Variants in CNTNAP5 observed in about 807,000 individuals in gnomAD.
CNTNAP5 encodes contactin-associated protein-like 5.
CNTNAP5 carries 72 observed loss-of-function variants against 150.2 expected under a neutral mutation model. The ratio of observed to expected loss-of-function variants is 0.48; its 90% CI spans 0.40 to 0.58. The LOEUF is 0.58. Ranked by LOEUF, CNTNAP5 falls within the 20% of genes least tolerant of loss-of-function variation. The pLI is 0.00. For synonymous variants in CNTNAP5, 672 were observed against 619.8 expected, an observed-to-expected ratio of 1.08 and a Z score of -1.25; for missense variants, 1,636 against 1,626.2, an observed-to-expected ratio of 1.01 and a Z score of -0.10.
At chr2:124,689,015 T>C (rs1460176078) in intron 13 of CNTNAP5, among the ~76,000 whole-genome samples, 1 of 152,118 alleles carries the variant, frequency 6.6e-6, no homozygotes, top group African/African-American at 2.4e-5. Flanking sequence ...TATGAAGAAT[T>C]ACTAGTCAGA....
chr2:124,191,975 C>T (rs1225879052), intron 1 of CNTNAP5, among the ~76,000 whole-genome samples: 2 of 151,952 alleles, frequency 1.3e-5, no homozygotes, highest in African/African-American at 4.8e-5. Flanking sequence ...GAGCTGCAGT[C>T]TCGTGTCTCC....
chr2:124,306,921 T>C (rs1409645137), intron 3 of CNTNAP5, among the ~76,000 whole-genome samples: 1 of 151,668 alleles, frequency 6.6e-6, no homozygotes, highest in Non-Finnish European at 1.5e-5. Context: ...AGAGACGGGG[T>C]TTCACCATGT....
intron 11 of CNTNAP5, among the ~76,000 whole-genome samples, chr2:124,574,794 TC>T (rs1696240530): frequency 6.6e-6 from 1 of 152,232 alleles, no homozygotes; most frequent in African/African-American, 2.4e-5. Context: ...TCATTCCGAT[TC>T]ATGCAAATAT....
At chr2:124,070,850 T>C (rs1488229951) in intron 1 of CNTNAP5, among the ~76,000 whole-genome samples, 1 of 151,896 alleles carries the variant, frequency 6.6e-6, no homozygotes, top group African/African-American at 2.4e-5. Flanking sequence ...AGCAAATGGA[T>C]CTAAGAAATA....
At chr2:124,732,826 A>G (rs1680299420) in intron 13 of CNTNAP5, among the ~76,000 whole-genome samples, 1 of 152,200 alleles carries the variant, frequency 6.6e-6, no homozygotes. Flanking sequence ...AGTTCCTTAC[A>G]TAAGAGTTCT....
chr2:124,628,619 A>G (rs992910582), intron 12 of CNTNAP5, among the ~76,000 whole-genome samples: 2 of 152,222 alleles, frequency 1.3e-5, no homozygotes, highest in Non-Finnish European at 2.9e-5. Flanking sequence ...AACACACTGA[A>G]GTACACAGAC....
chr2:124,867,788 T>G (rs533013244), intron 20 of CNTNAP5, among the ~76,000 whole-genome samples: 1 of 152,176 alleles, frequency 6.6e-6, no homozygotes, highest in African/African-American at 2.4e-5. Context: ...TGAATGTGTA[T>G]CTAACACTAA....
chr2:124,822,698 A>G (rs1160788348), intron 19 of CNTNAP5, among the ~76,000 whole-genome samples: 2 of 152,196 alleles, frequency 1.3e-5, no homozygotes. Context: ...CAGATCTGTG[A>G]TGTTTATACA....
intron 19 of CNTNAP5, among the ~76,000 whole-genome samples, chr2:124,858,701 T>C (rs192314289): frequency 1.3e-4 from 20 of 152,186 alleles, no homozygotes; most frequent in African/African-American, 4.8e-4. Context: ...AAGCATACAA[T>C]GGATACACAA....
At chr2:124,695,460 CT>C (rs1679386266) in intron 13 of CNTNAP5, among the ~76,000 whole-genome samples, 1 of 152,160 alleles carries the variant, frequency 6.6e-6, no homozygotes, top group Admixed American at 6.6e-5. Context: ...AGCAGCTCCC[CT>C]GAACTAGTAT....
chr2:124,735,797 A>G (rs1397949085), intron 13 of CNTNAP5, among the ~76,000 whole-genome samples: 2 of 152,172 alleles, frequency 1.3e-5, no homozygotes, highest in Non-Finnish European at 2.9e-5. Flanking sequence ...TATCTGTAAG[A>G]TGAGAATGAG....
chr2:124,728,576 C>A (rs892763988), intron 13 of CNTNAP5, among the ~76,000 whole-genome samples: 3 of 151,816 alleles, frequency 2.0e-5, no homozygotes, highest in African/African-American at 4.8e-5. Flanking sequence ...TGTAAAATAT[C>A]TTTAAATATT....
chr2:124,511,848 T>G (rs1694598591), intron 8 of CNTNAP5, among the ~76,000 whole-genome samples: 4 of 152,002 alleles, frequency 2.6e-5, no homozygotes. Flanking sequence ...ATGAGTTGCT[T>G]GCATGGTCTT....
intron 21 of CNTNAP5, among the ~76,000 whole-genome samples, chr2:124,889,755 TTTA>T (rs1299788285): frequency 1.3e-5 from 2 of 152,146 alleles, no homozygotes; most frequent in Non-Finnish European, 2.9e-5. Context: ...GCTTTTGGGT[TTTA>T]TTATTATTTC....
At chr2:124,889,188 T>A (rs1678143176) in intron 21 of CNTNAP5, among the ~76,000 whole-genome samples, 1 of 142,336 alleles carries the variant, frequency 7.0e-6, no homozygotes. Flanking sequence ...AACCTCTGCC[T>A]CCCAGGTTTC....
chr2:124,392,036 A>G (rs984481151), intron 3 of CNTNAP5, among the ~76,000 whole-genome samples: 4 of 152,206 alleles, frequency 2.6e-5, no homozygotes, highest in African/African-American at 9.6e-5. Flanking sequence ...GTAAGTGATC[A>G]AAAGTCAGGG....
chr2:124,648,555 A>G (rs1290515946), intron 13 of CNTNAP5, among the ~76,000 whole-genome samples: 1 of 152,100 alleles, frequency 6.6e-6, no homozygotes, highest in African/African-American at 2.4e-5. Flanking sequence ...TTAAACTAAC[A>G]CTGCATATGA....
In CNTNAP5 at chr2:124,872,503, ATTT is replaced by A. The variant is rs574385022; in HGVS notation, c.3436+2752_3436+2754del. ...ATTAAGACACTCTCCTCAAAATAAG[ATTT>A]TTTTTTTTTTAACTTCTGCCAGGTG... On this transcript the variant is annotated intron_variant, in intron 21 of 23. Coordinates refer to ENST00000682447, the MANE Select transcript of CNTNAP5 (RefSeq NM_001367498.1). Among the ~76,000 whole-genome samples, 249 of 144,372 alleles carry A rather than the reference ATTT, an allele frequency of 1.7e-3. 1 individual carries two copies. The highest frequency in any genetic ancestry group is 6.1e-3 in the African/African-American group (242 of 39,970). The allele number at this position is 144,372 out of a possible 152,430, so 94.7% of individuals were successfully genotyped here.
At chr2:124,174,462 T>G (rs951771707) in intron 1 of CNTNAP5, among the ~76,000 whole-genome samples, 1 of 152,190 alleles carries the variant, frequency 6.6e-6, no homozygotes, top group African/African-American at 2.4e-5. Flanking sequence ...TTAGAAGAAG[T>G]TGATTCCAAC....
Sources: gnomAD v4.1 joint callset for allele counts (sites outside exome capture counted in the v4.1 genomes callset) on GRCh38, gnomAD v4.1.1 for gene constraint, MANE v1.5 for transcripts, NCBI Gene and HGNC (gene_info 2026-07-23, HGNC 2026-07-21) for gene names.